The following CDK5RAP2 variants were observed in gnomAD, a reference collection of about 807,000 sequenced individuals.
CDK5RAP2 encodes the protein CDK5 regulatory subunit-associated protein 2.
In CDK5RAP2, 147 loss-of-function variants were observed where a neutral mutation model predicts 232.9. The ratio of observed to expected loss-of-function variants is 0.63; its 90% confidence interval spans 0.55 to 0.72. CDK5RAP2 has a LOEUF of 0.72. Among genes scored for constraint, CDK5RAP2 ranks in the 30% least tolerant of loss-of-function variants. The probability of loss-of-function intolerance (pLI) is 0.00; values close to 1 mark genes in which losing one functional copy is unlikely to be tolerated. For synonymous variants in CDK5RAP2, 833 were observed against 833.7 expected (o/e 1.00, Z 0.01); for missense variants, 2,195 against 2,231.5 (o/e 0.98, Z 0.33).
intron 29 of CDK5RAP2, among the ~76,000 whole-genome samples, chr9:120,410,619 T>A (rs2033788140): frequency 6.6e-6 from 1 of 152,172 alleles, no homozygotes; most frequent in African/African-American, 2.4e-5. Context: ...GGCCCTGAAG[T>A]AACACAGGAG....
Position 120,511,894 on chromosome 9 carries a change from C to A in CDK5RAP2, c.1311+6533G>T, listed in dbSNP as rs1017752466. Among the ~76,000 whole-genome samples the A allele has an allele frequency of 2.6e-5, 4 of 152,074 alleles. 1 individual carries two copies. Among genetic ancestry groups the A allele is most frequent in the Admixed American group, 2.6e-4 (4 of 15,280 alleles). On this transcript the variant is annotated intron_variant, in intron 12 of 37. Transcript: ENST00000349780. ...CTGGGACTACAGGTGTCTGCCACCACACCCAGCTAATTTTTGTATTTTTAG... is the reference window on the plus strand; with the variant it reads ...CTGGGACTACAGGTGTCTGCCACCAAACCCAGCTAATTTTTGTATTTTTAG...
rs566035219 is a variant in CDK5RAP2, at chr9:120,483,602, A to T, written c.1626+3692T>A. 1.7e-3 allele frequency among the ~76,000 whole-genome samples: 257 copies of T among 152,340 alleles called. 3 individuals carry two copies. In the South Asian group the frequency reaches 0.018, roughly 11 times the overall value. On this transcript the variant is annotated intron_variant, in intron 14 of 37. Transcript: ENST00000349780. Reference sequence around the variant, plus strand: ...GGGTTCTATGGCTTGCAACCAAAAGAATCTTAACTAATCCACTTCCATTAT... The same window carrying T: ...GGGTTCTATGGCTTGCAACCAAAAGTATCTTAACTAATCCACTTCCATTAT...
chr9:120,488,344 C>A (rs1423989467), intron 13 of CDK5RAP2, among the ~76,000 whole-genome samples: 3 of 152,190 alleles, frequency 2.0e-5, no homozygotes, highest in Non-Finnish European at 4.4e-5. Flanking sequence ...TACTGACTTT[C>A]TAGAATTGTC....
intron 5 of CDK5RAP2, among the ~76,000 whole-genome samples, chr9:120,543,436 C>T (rs745785638): frequency 1.3e-5 from 2 of 152,208 alleles, no homozygotes; most frequent in Non-Finnish European, 2.9e-5. Flanking sequence ...CAGACCTATA[C>T]ATTCTCTTCT....
At chr9:120,529,498 C>A (rs2041051577) in intron 8 of CDK5RAP2, among the ~76,000 whole-genome samples, 1 of 152,198 alleles carries the variant, frequency 6.6e-6, no homozygotes, top group Non-Finnish European at 1.5e-5. Flanking sequence ...CTCTACCTTG[C>A]CAGGTGGCTG....
At chr9:120,471,671 T>G in intron 16 of CDK5RAP2, 77 bp downstream of exon 16, 1 of 1,601,648 alleles carries the variant, frequency 6.2e-7, no homozygotes, top group Non-Finnish European at 8.6e-7. Flanking sequence ...TAACAAATAT[T>G]TAGGACTCTC....
chr9:120,471,491 G>C (rs991582970), intron 16 of CDK5RAP2, among the ~76,000 whole-genome samples: 2 of 152,170 alleles, frequency 1.3e-5, no homozygotes, highest in African/African-American at 4.8e-5. Context: ...TTTGGAACTA[G>C]AAGTATCAAA....
chr9:120,579,775 C>G, intron 1 of CDK5RAP2, 145 bp downstream of exon 1: 1 of 668,538 alleles, frequency 1.5e-6, no homozygotes, highest in Non-Finnish European at 2.7e-6. Flanking sequence ...GTGGGCCCCC[C>G]AGAGACCCTC....
Position 120,527,521 on chromosome 9 carries a change from T to TAC in CDK5RAP2, c.999+284_999+285insGT, listed in dbSNP as rs536295151. Among the ~76,000 whole-genome samples, 12 of 150,954 alleles carry TAC rather than the reference T, an allele frequency of 7.9e-5. No individual in the cohort carries two copies. The East Asian group carries it at 2.0e-3, about 25-fold the overall frequency. The stretch of plus-strand genomic sequence containing the variant: ...GAAATGATTATGTTTTGGGGGGGGA[T>TAC]ATATATATAATTAAAATTAATTTCA... On this transcript the variant is annotated intron_variant, in intron 10 of 37. Coordinates refer to ENST00000349780, the MANE Select transcript of CDK5RAP2 (RefSeq NM_018249.6).
At position 120,518,451 on chromosome 9, in the gene CDK5RAP2, C is replaced by A; in HGVS notation, c.1287G>T (p.Lys429Asn). ...CACGGATGGTGCAGTCTCCTTTGCTCTTCTCTCGATGGGCTTCCTCCAGGT... is the reference window on the plus strand; with the variant it reads ...CACGGATGGTGCAGTCTCCTTTGCTATTCTCTCGATGGGCTTCCTCCAGGT... ...EKDLEEAHRE[K>N]SKGDCTIRDL... Residue 429 changes from lysine to asparagine, a missense_variant, in exon 12 of 38, where the codon AAG (lysine) becomes AAT (asparagine). Coordinates refer to ENST00000349780, the MANE Select transcript of CDK5RAP2 (RefSeq NM_018249.6). The A allele has an allele frequency of 6.2e-7, 1 of 1,613,826 alleles. No individual in the cohort carries two copies. Among genetic ancestry groups the A allele is most frequent in the East Asian group, 2.2e-5 (1 of 44,870 alleles).
At chr9:120,474,491 A>G (rs1564270671) in intron 15 of CDK5RAP2, among the ~76,000 whole-genome samples, 2 of 152,152 alleles carry the variant, frequency 1.3e-5, no homozygotes, top group Non-Finnish European at 2.9e-5. Flanking sequence ...TGACAAAAAA[A>G]TTATCCAGCC....
intron 12 of CDK5RAP2, among the ~76,000 whole-genome samples, chr9:120,515,834 A>G (rs1234201260): frequency 6.6e-6 from 1 of 152,352 alleles, no homozygotes; most frequent in East Asian, 1.9e-4. Context: ...ACCTCACACC[A>G]GTTAGAATGG....
Position 120,404,063 on chromosome 9 carries a change from A to C in CDK5RAP2, c.5014T>G (p.Ser1672Ala). ...ESDNSFDLFD[S>A]SQAVTPKSVS... ...GATTTTGGTGTCACTGCCTGGGAGG[A>C]ATCAAACAGATCAAATGAATTATCA... Residue 1672 changes from serine to alanine, a missense_variant, in exon 33 of 38, where the codon TCC becomes GCC. Coordinates refer to ENST00000349780, the MANE Select transcript of CDK5RAP2 (RefSeq NM_018249.6). The C allele has an allele frequency of 6.2e-7, 1 of 1,613,696 alleles. No homozygotes were observed. The highest frequency in any genetic ancestry group is 8.5e-7 in the Non-Finnish European group (1 of 1,179,532).
At chr9:120,397,189 T>A (rs1588221698) in intron 35 of CDK5RAP2, among the ~76,000 whole-genome samples, 2 of 152,248 alleles carry the variant, frequency 1.3e-5, no homozygotes, top group East Asian at 3.9e-4. Context: ...GTTTTCTTTT[T>A]ATGGTGAAAA....
chr9:120,560,721 A>C (rs1338741209), intron 3 of CDK5RAP2, among the ~76,000 whole-genome samples: 1 of 152,088 alleles, frequency 6.6e-6, no homozygotes, highest in Non-Finnish European at 1.5e-5. Context: ...GGCTCAAGCG[A>C]TTCTCCTGCC....
chr9:120,503,075 C>G (rs2039647222), intron 12 of CDK5RAP2, among the ~76,000 whole-genome samples: 1 of 152,200 alleles, frequency 6.6e-6, no homozygotes, highest in Admixed American at 6.5e-5. Flanking sequence ...AATCCAAACC[C>G]CAGTCAGTGT....
At chr9:120,420,834 A>G (rs978833003) in intron 26 of CDK5RAP2, among the ~76,000 whole-genome samples, 1 of 152,234 alleles carries the variant, frequency 6.6e-6, no homozygotes, top group Non-Finnish European at 1.5e-5. Flanking sequence ...GCTGGCTTGC[A>G]GAAGTGCAGC....
At chr9:120,575,684 G>C (rs951651024) in intron 1 of CDK5RAP2, among the ~76,000 whole-genome samples, 1 of 152,030 alleles carries the variant, frequency 6.6e-6, no homozygotes, top group African/African-American at 2.4e-5. Context: ...AAAAAATACA[G>C]ATAAGCCTAA....
rs559609700 is a variant in CDK5RAP2, at chr9:120,397,159, G to A, written c.5452-2521C>T. Among the ~76,000 whole-genome samples, 12 of 152,230 alleles carry A rather than the reference G, an allele frequency of 7.9e-5. No individual in the cohort carries two copies. In the South Asian group the frequency reaches 1.7e-3, roughly 21 times the overall value. Reference sequence around the variant, plus strand: ...CCTCGTCAGTGTTCTGCCTGACTTCGGGGACAGGAATTTTTGCTTGTTTTC... The same window carrying A: ...CCTCGTCAGTGTTCTGCCTGACTTCAGGGACAGGAATTTTTGCTTGTTTTC... On this transcript the variant is annotated intron_variant, in intron 35 of 37. Coordinates refer to ENST00000349780, the MANE Select transcript of CDK5RAP2 (RefSeq NM_018249.6).
Sources: allele counts gnomAD v4.1 joint callset (sites outside exome capture counted in the v4.1 genomes callset), GRCh38; gene constraint gnomAD v4.1.1; transcripts MANE v1.5; gene names NCBI Gene and HGNC (gene_info 2026-07-23, HGNC 2026-07-21).